Variants in SLIT3 observed in about 807,000 individuals in gnomAD.
The protein encoded by SLIT3 is slit homolog 3 protein.
Under a neutral mutation model 184.0 loss-of-function variants are expected in SLIT3, and 68 were observed. The observed-to-expected ratio is 0.37, with a 90% CI of 0.30 to 0.45. The LOEUF is 0.45. Ranked by LOEUF, SLIT3 falls within the 20% of genes least tolerant of loss-of-function variation. SLIT3 has a pLI of 1.00. For synonymous variants in SLIT3, 831 were observed against 828.6 expected (o/e 1.00, Z -0.05); for missense variants, 1,707 against 2,026.0 (o/e 0.84, Z 3.02).
chr5:168,797,531 A>G (rs1051236804), intron 9 of SLIT3, among the ~76,000 whole-genome samples: 3 of 152,182 alleles, frequency 2.0e-5, no homozygotes, highest in Non-Finnish European at 4.4e-5. Context: ...TGCAGTTCCT[A>G]ATCAATTACC....
At chr5:168,772,409 C>T (rs1581064516) in intron 14 of SLIT3, 2 of 260,068 alleles carry the variant, frequency 7.7e-6, no homozygotes, top group East Asian at 2.4e-4. Flanking sequence ...TCTACTTGCC[C>T]TTTGGGGAGC....
intron 8 of SLIT3, among the ~76,000 whole-genome samples, chr5:168,807,708 T>C (rs1337698813): frequency 1.3e-5 from 2 of 152,130 alleles, no homozygotes; most frequent in African/African-American, 4.8e-5. Flanking sequence ...CTCTTAATTG[T>C]AGATTAAACA....
chr5:168,932,576 T>G (rs975939146), intron 4 of SLIT3, among the ~76,000 whole-genome samples: 1 of 152,148 alleles, frequency 6.6e-6, no homozygotes, highest in South Asian at 2.1e-4. Context: ...GTAGATAGTA[T>G]AGATAAGCGA....
intron 4 of SLIT3, among the ~76,000 whole-genome samples, chr5:169,076,575 AT>A (rs1395273055): frequency 6.6e-6 from 1 of 151,924 alleles, no homozygotes; most frequent in Non-Finnish European, 1.5e-5. Context: ...GTCAAAATGG[AT>A]TTCTTTTTTT....
chr5:168,870,157 C>A (rs1273930014), intron 5 of SLIT3, among the ~76,000 whole-genome samples: 1 of 152,272 alleles, frequency 6.6e-6, no homozygotes, highest in Non-Finnish European at 1.5e-5. Context: ...GTCCTGCACT[C>A]TGCACAAGCA....
chr5:168,762,090 C>CTT (rs11445648), intron 15 of SLIT3, among the ~76,000 whole-genome samples: 2 of 148,292 alleles, frequency 1.3e-5, no homozygotes, highest in African/African-American at 2.5e-5. Flanking sequence ...TTTTTTAGCT[C>CTT]TTTTTTTTTT....
chr5:169,149,386 A>C (rs969324140), intron 4 of SLIT3, among the ~76,000 whole-genome samples: 1 of 145,430 alleles, frequency 6.9e-6, no homozygotes, highest in African/African-American at 2.6e-5. Flanking sequence ...GATTAATTCC[A>C]GCTCTAAAAT....
intron 4 of SLIT3, among the ~76,000 whole-genome samples, chr5:169,157,044 C>A (rs569070181): frequency 2.0e-4 from 30 of 152,218 alleles, no homozygotes; most frequent in African/African-American, 6.5e-4. Flanking sequence ...TGGCCCCCCC[C>A]ACCTCCACCA....
chr5:169,249,383 C>CA (rs1212034474), intron 2 of SLIT3, among the ~76,000 whole-genome samples: 1 of 152,082 alleles, frequency 6.6e-6, no homozygotes, highest in African/African-American at 2.4e-5. Context: ...AAACTGTAGT[C>CA]AAAGGAATGT....
At chr5:169,231,368 G>T (rs1392320848) in intron 3 of SLIT3, among the ~76,000 whole-genome samples, 6 of 152,062 alleles carry the variant, frequency 3.9e-5, no homozygotes, top group Non-Finnish European at 8.8e-5. Flanking sequence ...CTCTCCATTC[G>T]CAACTCCCCA....
chr5:168,690,059 T>C (rs996285448), intron 29 of SLIT3, among the ~76,000 whole-genome samples: 1 of 152,034 alleles, frequency 6.6e-6, no homozygotes, highest in Non-Finnish European at 1.5e-5. Flanking sequence ...CTGGGGATCA[T>C]AAAAACCTGG....
intron 32 of SLIT3, among the ~76,000 whole-genome samples, chr5:168,679,926 A>T (rs1416749417): frequency 6.6e-6 from 1 of 152,230 alleles, no homozygotes; most frequent in African/African-American, 2.4e-5. Context: ...GGCAGTGGAC[A>T]GGATTGTAGA....
At chr5:169,084,944 T>C (rs1035199287) in intron 4 of SLIT3, among the ~76,000 whole-genome samples, 1 of 152,132 alleles carries the variant, frequency 6.6e-6, no homozygotes, top group Non-Finnish European at 1.5e-5. Context: ...ACCTCACCCA[T>C]TCATGTTACC....
intron 3 of SLIT3, among the ~76,000 whole-genome samples, chr5:169,197,523 C>T (rs1431513744): frequency 6.6e-6 from 1 of 152,108 alleles, no homozygotes; most frequent in Non-Finnish European, 1.5e-5. Context: ...CAGGTAAGTG[C>T]CGGGTGCAGA....
rs545008122 is a variant in SLIT3 at position 169,264,533 on chromosome 5, C to T, written c.198-13074G>A. On this transcript the variant is annotated intron_variant, in intron 1 of 35. Transcript: ENST00000519560. ...GACCTCTGAAACTGCTCACATCAGG[C>T]GGTCCTAATGGGTGTCTTCCTCTGT... Among the ~76,000 whole-genome samples, 9 of 152,170 alleles carry T rather than the reference C, an allele frequency of 5.9e-5. 1 individual carries two copies. Among genetic ancestry groups the T allele is most frequent in the African/African-American group, 1.2e-4 (5 of 41,446 alleles).
chr5:169,187,407 G>A (rs191821675), intron 4 of SLIT3, among the ~76,000 whole-genome samples: 31 of 152,062 alleles, frequency 2.0e-4, no homozygotes, highest in Admixed American at 1.5e-3. Flanking sequence ...CACCGCGGCC[G>A]GCAGCAGCTA....
chr5:169,077,636 G>T (rs1244278597), intron 4 of SLIT3, among the ~76,000 whole-genome samples: 1 of 152,128 alleles, frequency 6.6e-6, no homozygotes, highest in Admixed American at 6.5e-5. Context: ...TCAACATTAG[G>T]CTATTAGTAG....
chr5:168,936,747 A>T (rs1252772841), intron 4 of SLIT3, among the ~76,000 whole-genome samples: 1 of 152,126 alleles, frequency 6.6e-6, no homozygotes, highest in East Asian at 1.9e-4. Flanking sequence ...CTTAATGGAT[A>T]CAGGGTGGTT....
intron 1 of SLIT3, among the ~76,000 whole-genome samples, chr5:169,291,204 G>A (rs979381091): frequency 6.6e-6 from 1 of 152,144 alleles, no homozygotes; most frequent in South Asian, 2.1e-4. Flanking sequence ...AGGGTGGGAG[G>A]AGCCCAGAGA....
Sources: allele counts gnomAD v4.1 joint callset (sites outside exome capture counted in the v4.1 genomes callset), GRCh38; gene constraint gnomAD v4.1.1; transcripts MANE v1.5; gene names NCBI Gene and HGNC (gene_info 2026-07-23, HGNC 2026-07-21).